ASTN2: variants seen among roughly 807,000 people sequenced by gnomAD.
ASTN2 encodes astrotactin 2.
In ASTN2, 54 loss-of-function variants were observed where a neutral mutation model predicts 139.8. The ratio of observed to expected loss-of-function variants is 0.39; its 90% CI spans 0.31 to 0.48. ASTN2 has a LOEUF of 0.48. Among genes scored for constraint, ASTN2 ranks in the 20% least tolerant of loss-of-function variants. The pLI is 0.95. For synonymous variants in ASTN2, 756 were observed against 719.5 expected (o/e 1.05, Z -0.81); for missense variants, 1,565 against 1,725.1 (o/e 0.91, Z 1.64).
Position 116,699,034 on chromosome 9 carries a change from C to G in ASTN2, c.2806+26737G>C. On this transcript the variant is annotated intron_variant, in intron 16 of 22. Coordinates refer to ENST00000313400, the MANE Select transcript of ASTN2 (RefSeq NM_001365068.1). The surrounding 1 kb of genome is among the most constrained non-coding windows in gnomAD (Gnocchi z 4.2). The stretch of plus-strand genomic sequence containing the variant: ...GGGGCAGATCTACCCAACCTCACTC[C>G]TCTCTCAGTGGCAATGAACTGCCAG... The G allele has an allele frequency of 6.2e-7, 1 of 1,614,212 alleles. No individual in the cohort carries two copies. The highest frequency in any genetic ancestry group is 1.1e-5 in the South Asian group (1 of 91,084).
At chr9:117,199,980 T>C (rs780822296) in intron 3 of ASTN2, among the ~76,000 whole-genome samples, 98 of 152,198 alleles carry the variant, frequency 6.4e-4, no homozygotes, top group Middle Eastern at 6.8e-3. Context: ...TTTTTGCACA[T>C]TGACTTTGTA....
At chr9:116,592,559 A>G in intron 19 of ASTN2, among the ~76,000 whole-genome samples, 1 of 152,200 alleles carries the variant, frequency 6.6e-6, no homozygotes, top group East Asian at 1.9e-4. Context: ...AACCATATCA[A>G]CTGGGCATAC....
intron 20 of ASTN2, among the ~76,000 whole-genome samples, chr9:116,478,841 A>C (rs1324573129): frequency 6.6e-6 from 1 of 151,638 alleles, no homozygotes; most frequent in Non-Finnish European, 1.5e-5. Flanking sequence ...AAAATACAAA[A>C]ATTAGCTGGG....
rs1442124941 is a variant in ASTN2 at position 116,802,368 on chromosome 9, GAGCCACC to G, written c.2396+3257_2396+3263del. ...CCCAAAGTGCTGGGATGACAGGCAT[GAGCCACC>G]ACAACCAGCGGTGCCATGCTCTTTC... On this transcript the variant is annotated intron_variant, in intron 13 of 22. Coordinates refer to ENST00000313400, the MANE Select transcript of ASTN2 (RefSeq NM_001365068.1). 2.6e-5 allele frequency among the ~76,000 whole-genome samples: 4 copies of G among 152,276 alleles called. No homozygotes were observed. In the South Asian group the frequency reaches 8.3e-4, roughly 32 times the overall value.
chr9:116,698,229 C>T lies in ASTN2; in HGVS notation c.2806+27542G>A. 6.2e-7 allele frequency: 1 copy of T among 1,614,160 alleles called. No homozygotes were observed. Among genetic ancestry groups the T allele is most frequent in the Non-Finnish European group, 8.5e-7 (1 of 1,180,032 alleles). On this transcript the variant is annotated intron_variant, in intron 16 of 22. Coordinates refer to ENST00000313400, the MANE Select transcript of ASTN2 (RefSeq NM_001365068.1). This position sits in a 1 kb window ranked among gnomAD's most constrained non-coding sequence, Gnocchi z 4.4. ...TCGTCTGCGGGAACTTATGGGGGAG[C>T]TGCAGCGGCGGAAGGCAGCCTTGGA...
chr9:116,801,860 C>G (rs1414523967), intron 13 of ASTN2, among the ~76,000 whole-genome samples: 1 of 151,908 alleles, frequency 6.6e-6, no homozygotes, highest in Admixed American at 6.6e-5. Context: ...TCTTGAGGGT[C>G]ATCAAAAGAG....
chr9:117,384,849 G>T (rs1440664635), intron 1 of ASTN2, among the ~76,000 whole-genome samples: 1 of 152,308 alleles, frequency 6.6e-6, no homozygotes, highest in African/African-American at 2.4e-5. Flanking sequence ...TGGATGAAGG[G>T]GTGGAAGGGA....
intron 3 of ASTN2, among the ~76,000 whole-genome samples, chr9:117,179,600 C>T (rs143125833): frequency 6.6e-6 from 1 of 152,138 alleles, no homozygotes; most frequent in Non-Finnish European, 1.5e-5. Flanking sequence ...CTTCTTGCAC[C>T]TCTTCCTTGC....
rs145704514 is a variant in ASTN2 at position 116,678,294 on chromosome 9, T to A, written c.2807-26501A>T. ...GGAGAGCCATGACCAACATCTACAA[T>A]AAAAAGAGTCAGACCTTATCGTCAC... On this transcript the variant is annotated intron_variant, in intron 16 of 22. Coordinates refer to ENST00000313400, the MANE Select transcript of ASTN2 (RefSeq NM_001365068.1). Among the ~76,000 whole-genome samples, 63 of 152,284 alleles carry A rather than the reference T, an allele frequency of 4.1e-4. No homozygotes were observed. In the East Asian group the frequency reaches 6.0e-3, roughly 14 times the overall value.
intron 1 of ASTN2, among the ~76,000 whole-genome samples, chr9:117,380,596 T>TAAAAA (rs1830242759): frequency 2.6e-5 from 3 of 116,614 alleles, no homozygotes; most frequent in African/African-American, 6.3e-5. Context: ...AGAGCAAGAC[T>TAAAAA]CAAAAAAAAA....
At chr9:116,530,127 AT>A (rs1851270465) in intron 19 of ASTN2, among the ~76,000 whole-genome samples, 16 of 36,454 alleles carry the variant, frequency 4.4e-4, no homozygotes, top group Admixed American at 7.2e-4. Flanking sequence ...ATATATATAT[AT>A]ATATATATAT....
intron 10 of ASTN2, among the ~76,000 whole-genome samples, chr9:116,882,826 C>CT (rs1214022134): frequency 8.2e-6 from 1 of 122,060 alleles, no homozygotes; most frequent in Non-Finnish European, 1.8e-5. Flanking sequence ...GACCTTGACT[C>CT]TTAAAAAAAA....
chr9:116,446,276 G>GAT (rs1231679883), intron 20 of ASTN2, among the ~76,000 whole-genome samples: 6 of 30,172 alleles, frequency 2.0e-4, no homozygotes, highest in Non-Finnish European at 3.8e-4. Context: ...GAGAGATAGA[G>GAT]AGAGAGAGAG....
At chr9:117,365,832 C>A (rs926251011) in intron 1 of ASTN2, among the ~76,000 whole-genome samples, 9 of 152,204 alleles carry the variant, frequency 5.9e-5, no homozygotes, top group Admixed American at 2.6e-4. Flanking sequence ...AGTGGAAATG[C>A]ACTGGCCTAG....
chr9:116,496,797 G>A lies in ASTN2; in HGVS notation c.3356-9297C>T, dbSNP rs1017704945. ...AAGGAGGAGCAAAGGCACGTCTTAC[G>A]TGGTGGCAGGCAAGAGAGCTTGTGC... On this transcript the variant is annotated intron_variant, in intron 19 of 22. Coordinates refer to ENST00000313400, the MANE Select transcript of ASTN2 (RefSeq NM_001365068.1). Among the ~76,000 whole-genome samples the A allele has an allele frequency of 1.3e-4, 20 of 152,334 alleles. No homozygotes were observed. The East Asian group carries it at 2.7e-3, about 21-fold the overall frequency.
intron 19 of ASTN2, among the ~76,000 whole-genome samples, chr9:116,538,115 T>A (rs1851721735): frequency 6.6e-6 from 1 of 152,016 alleles, no homozygotes; most frequent in Admixed American, 6.6e-5. Flanking sequence ...TGCCTGTAGC[T>A]CATCTGATAG....
intron 13 of ASTN2, among the ~76,000 whole-genome samples, chr9:116,783,866 A>C (rs1482505797): frequency 1.3e-5 from 2 of 152,170 alleles, no homozygotes; most frequent in Non-Finnish European, 2.9e-5. Context: ...AGAAAAATCC[A>C]TCTCTAACTT....
intron 19 of ASTN2, chr9:116,612,667 A>G (rs1395875006): frequency 2.6e-5 from 4 of 152,184 alleles, no homozygotes; most frequent in African/African-American, 9.7e-5. Context: ...GTTCTTTGAA[A>G]CCAATGAGAA....
intron 10 of ASTN2, among the ~76,000 whole-genome samples, chr9:116,937,189 A>G (rs1051238176): frequency 3.9e-5 from 6 of 152,072 alleles, no homozygotes; most frequent in African/African-American, 1.4e-4. Context: ...AAATGCTTTC[A>G]TGGTTTCAGA....
Sources: allele counts gnomAD v4.1 joint callset (sites outside exome capture counted in the v4.1 genomes callset), GRCh38; gene constraint gnomAD v4.1.1; non-coding constraint Gnocchi (gnomAD v3.1); transcripts MANE v1.5; gene names NCBI Gene and HGNC (gene_info 2026-07-23, HGNC 2026-07-21).